Variants in RAB27B observed in about 807,000 individuals in gnomAD.
The protein encoded by RAB27B is ras-related protein Rab-27B.
Under a neutral mutation model 24.6 loss-of-function variants are expected in RAB27B, and 15 were observed. That is an observed-to-expected ratio of 0.61 (90% CI 0.41 to 0.94). The LOEUF (loss-of-function observed/expected upper bound fraction) is 0.94, where lower values mean the gene tolerates loss of function less well. Among genes scored for constraint, RAB27B ranks in the 40% least tolerant of loss-of-function variants. The pLI is 0.00. For missense variants in RAB27B, 261 were observed against 266.8 expected (o/e 0.98, Z 0.15); for synonymous variants, 105 against 92.5 (o/e 1.14, Z -0.78).
intron 2 of RAB27B, among the ~76,000 whole-genome samples, chr18:54,739,327 G>A (rs1277825163): frequency 6.6e-6 from 1 of 151,686 alleles, no homozygotes. Flanking sequence ...GTGGTGGTGG[G>A]TGCCTGTAAT....
At chr18:54,833,786 AT>A (rs1429965187) in intron 1 of RAB27B, among the ~76,000 whole-genome samples, 2 of 152,180 alleles carry the variant, frequency 1.3e-5, no homozygotes, top group Non-Finnish European at 2.9e-5. Flanking sequence ...GTGCAAAAGG[AT>A]TTGCTGAATT....
intron 2 of RAB27B, among the ~76,000 whole-genome samples, chr18:54,878,781 A>C (rs1161560889): frequency 1.3e-5 from 2 of 152,314 alleles, no homozygotes; most frequent in East Asian, 3.9e-4. Flanking sequence ...AACTTACCTA[A>C]AAAGAGCCTT....
rs570408177 is a variant in RAB27B at position 54,872,047 on chromosome 18, GGCGA to G, written c.-19-5517_-19-5514del. Among the ~76,000 whole-genome samples the G allele has an allele frequency of 2.6e-5, 4 of 152,156 alleles. No individual in the cohort carries two copies. In the South Asian group the frequency reaches 8.3e-4, roughly 32 times the overall value. ...TGTAGCATTTGCCAAGCTCCCCACT[GGCGA>G]GCAAGGAGTATATCCTCAGAGCCAT... On this transcript the variant is annotated intron_variant, in intron 1 of 5. Coordinates refer to ENST00000262094, the MANE Select transcript of RAB27B (RefSeq NM_004163.4).
chr18:54,738,241 G>A (rs1909960788), intron 2 of RAB27B, among the ~76,000 whole-genome samples: 1 of 152,094 alleles, frequency 6.6e-6, no homozygotes, highest in Non-Finnish European at 1.5e-5. Context: ...AAGAATAACT[G>A]GAAAAGAGGA....
At position 54,893,699 on chromosome 18, in the gene RAB27B, T is replaced by A. The variant is rs754917297; in HGVS notation, c.*4286T>A. On this transcript the variant is annotated 3_prime_UTR_variant, in exon 6 of 6. Transcript: ENST00000262094. ...AAAGTAGAACTGATACAAATTTTGG[T>A]TGGATATATAGAGAATTTTATAAAT... 3 of 151,940 alleles carry A rather than the reference T, an allele frequency of 2.0e-5. No homozygotes were observed. Among genetic ancestry groups the A allele is most frequent in the Non-Finnish European group, 2.9e-5 (2 of 67,928 alleles). The allele number at this position is 151,940 out of a possible 1,614,324, so 9.4% of individuals were successfully genotyped here.
At chr18:54,763,617 G>T (rs73959298) in intron 2 of RAB27B, among the ~76,000 whole-genome samples, 8,478 of 152,218 alleles carry the variant, frequency 0.056, 304 homozygotes, top group Admixed American at 0.085. Context: ...TCTGCCTATG[G>T]TACGATGTGA....
intron 2 of RAB27B, among the ~76,000 whole-genome samples, chr18:54,740,692 C>A (rs1482852018): frequency 6.6e-6 from 1 of 152,168 alleles, no homozygotes; most frequent in Non-Finnish European, 1.5e-5. Context: ...GGATCAGCAA[C>A]TTTGGCAAGT....
chr18:54,785,218 C>T (rs1201744833), intron 2 of RAB27B, among the ~76,000 whole-genome samples: 2 of 152,086 alleles, frequency 1.3e-5, no homozygotes, highest in Admixed American at 6.5e-5. Context: ...TCTCTTGTCT[C>T]AGCCTCTTGA....
intron 1 of RAB27B, among the ~76,000 whole-genome samples, chr18:54,829,125 A>G (rs944581099): frequency 3.0e-4 from 45 of 152,240 alleles, no homozygotes; most frequent in Admixed American, 1.3e-4. Flanking sequence ...CAGGAGAGCA[A>G]TAAGACATTT....
At chr18:54,720,329 G>C (rs910473088) in intron 2 of RAB27B, among the ~76,000 whole-genome samples, 2 of 152,042 alleles carry the variant, frequency 1.3e-5, no homozygotes, top group African/African-American at 4.8e-5. Context: ...GATTTACTTG[G>C]TAGTGTTAAG....
At chr18:54,867,442 C>CTTTTTTTTTT (rs548288719) in intron 1 of RAB27B, among the ~76,000 whole-genome samples, 66 of 98,758 alleles carry the variant, frequency 6.7e-4, no homozygotes, top group African/African-American at 1.2e-3. Flanking sequence ...CTTTTCTTTT[C>CTTTTTTTTTT]TTTTTTTTTT....
At chr18:54,832,742 T>C (rs1022882365) in intron 1 of RAB27B, among the ~76,000 whole-genome samples, 15 of 152,068 alleles carry the variant, frequency 9.9e-5, no homozygotes, top group African/African-American at 3.6e-4. Flanking sequence ...CAGGATGTTT[T>C]TTTAGGATGA....
chr18:54,751,627 G>A (rs1393850450), intron 2 of RAB27B, among the ~76,000 whole-genome samples: 3 of 152,188 alleles, frequency 2.0e-5, no homozygotes, highest in Non-Finnish European at 4.4e-5. Context: ...AAACTCAGAA[G>A]TGAGGTTGAG....
At chr18:54,833,496 G>T (rs1203544085) in intron 1 of RAB27B, among the ~76,000 whole-genome samples, 5 of 151,954 alleles carry the variant, frequency 3.3e-5, no homozygotes. Flanking sequence ...CAAAGTGCTG[G>T]GATTACAGGT....
At chr18:54,807,224 G>A (rs758604179) in intron 2 of RAB27B, among the ~76,000 whole-genome samples, 21 of 152,138 alleles carry the variant, frequency 1.4e-4, no homozygotes, top group Non-Finnish European at 1.8e-4. Flanking sequence ...ATGCAGAACC[G>A]CTTTTTGTGG....
chr18:54,849,467 C>T (rs1048636727), intron 1 of RAB27B, among the ~76,000 whole-genome samples: 2 of 152,174 alleles, frequency 1.3e-5, no homozygotes, highest in Non-Finnish European at 2.9e-5. Context: ...CCTGTAATCC[C>T]AGCGCTTTGG....
Position 54,752,705 on chromosome 18 carries a change from G to C in RAB27B, c.-20+34564G>C, listed in dbSNP as rs141345113. On this transcript the variant is annotated intron_variant, in intron 2 of 4. Coordinates refer to the RAB27B transcript ENST00000586570. The stretch of plus-strand genomic sequence containing the variant: ...CCTAGAAGTTTCTGTGTTCCTCCCA[G>C]CAGCCAGGAGGTCTATGAAAGTCCC... Among the ~76,000 whole-genome samples the C allele has an allele frequency of 3.3e-3, 497 of 152,314 alleles. 4 individuals carry two copies. Among genetic ancestry groups the C allele is most frequent in the African/African-American group, 0.011 (462 of 41,572 alleles).
intron 2 of RAB27B, among the ~76,000 whole-genome samples, chr18:54,805,017 T>A (rs969456758): frequency 4.0e-5 from 6 of 151,090 alleles, no homozygotes; most frequent in Non-Finnish European, 7.4e-5. Flanking sequence ...CCTCTTTTTT[T>A]AATTTTTGAC....
intron 2 of RAB27B, among the ~76,000 whole-genome samples, chr18:54,771,117 T>G (rs1276701183): frequency 6.6e-6 from 1 of 152,154 alleles, no homozygotes; most frequent in Non-Finnish European, 1.5e-5. Context: ...AATGTGTATT[T>G]TTTGCCACTA....
Sources: allele counts gnomAD v4.1 joint callset (sites outside exome capture counted in the v4.1 genomes callset), GRCh38; gene constraint gnomAD v4.1.1; transcripts MANE v1.5; gene names NCBI Gene and HGNC (gene_info 2026-07-23, HGNC 2026-07-21).